Variants in SV2C observed in about 807,000 individuals in gnomAD.
SV2C encodes solute carrier family 22 member B3.
A neutral mutation model predicts 79.7 loss-of-function variants in SV2C; 49 were observed. The ratio of observed to expected loss-of-function variants is 0.61; its 90% CI spans 0.49 to 0.78. The LOEUF (loss-of-function observed/expected upper bound fraction) is 0.78. Among genes scored for constraint, SV2C ranks in the 30% least tolerant of loss-of-function variants. SV2C has a pLI of 0.00. For missense variants in SV2C, 833 were observed against 912.9 expected (o/e 0.91, Z 1.13); for synonymous variants, 334 against 333.2 (o/e 1.00, Z -0.03).
At chr5:76,015,430 C>T in the SV2C span, among the ~76,000 whole-genome samples, 1 of 152,160 alleles carries the variant, frequency 6.6e-6, no homozygotes. Flanking sequence ...TAAGAAGGTG[C>T]TAGTATCCTG....
chr5:76,253,781 TTATTTAATATC>T (rs1746183838), intron 4 of SV2C, among the ~76,000 whole-genome samples: 1 of 152,106 alleles, frequency 6.6e-6, no homozygotes, highest in East Asian at 1.9e-4. Flanking sequence ...TGTTTCTTAG[TTATTTAATATC>T]ACCGAGTCAA....
chr5:76,072,689 T>G, the SV2C span, among the ~76,000 whole-genome samples: 3 of 152,344 alleles, frequency 2.0e-5, no homozygotes, highest in East Asian at 5.8e-4. Context: ...TCCACATTTT[T>G]TCCATAGTGA....
the SV2C span, among the ~76,000 whole-genome samples, chr5:75,969,333 C>A: frequency 6.6e-6 from 1 of 152,064 alleles, no homozygotes; most frequent in Non-Finnish European, 1.5e-5. Flanking sequence ...CAATACTAAC[C>A]TTAAATGTAA....
chr5:75,923,672 G>A, the SV2C span, among the ~76,000 whole-genome samples: 1,193 of 152,024 alleles, frequency 7.8e-3, 6 homozygotes, highest in Middle Eastern at 0.037. Context: ...GCTCAATAAC[G>A]CTAATCATCA....
downstream of SV2C, among the ~76,000 whole-genome samples, chr5:76,337,109 A>G (rs1386867617): frequency 2.6e-5 from 4 of 152,136 alleles, no homozygotes; most frequent in South Asian, 8.3e-4. Flanking sequence ...TGCTGTAACA[A>G]AATACCACAG....
intron 4 of SV2C, among the ~76,000 whole-genome samples, chr5:76,260,164 G>A (rs960001961): frequency 2.0e-5 from 3 of 152,168 alleles, no homozygotes; most frequent in African/African-American, 7.2e-5. Flanking sequence ...ATATCATTGT[G>A]ATTTTGATTT....
At chr5:75,878,758 A>T in the SV2C span, among the ~76,000 whole-genome samples, 1 of 152,200 alleles carries the variant, frequency 6.6e-6, no homozygotes, top group Admixed American at 6.6e-5. Flanking sequence ...GAGCAGTGCC[A>T]GAGTGCTGAG....
intron 4 of SV2C, among the ~76,000 whole-genome samples, chr5:76,215,048 C>G (rs1744875842): frequency 6.6e-6 from 1 of 152,168 alleles, no homozygotes; most frequent in Non-Finnish European, 1.5e-5. Flanking sequence ...ACTTTCAGTA[C>G]TATCCTGAAT....
At chr5:76,138,293 G>A (rs898161134) in intron 2 of SV2C, among the ~76,000 whole-genome samples, 2 of 152,104 alleles carry the variant, frequency 1.3e-5, no homozygotes, top group Non-Finnish European at 2.9e-5. Flanking sequence ...TTCCTTTCCA[G>A]TTCCCTCACG....
the SV2C span, among the ~76,000 whole-genome samples, chr5:75,953,602 C>T: frequency 6.6e-6 from 1 of 151,722 alleles, no homozygotes; most frequent in African/African-American, 2.4e-5. Context: ...ATCCGGAAAC[C>T]CAGAAGGCCT....
At chr5:76,193,558 C>A (rs1266807138) in intron 2 of SV2C, among the ~76,000 whole-genome samples, 2 of 152,196 alleles carry the variant, frequency 1.3e-5, no homozygotes, top group African/African-American at 2.4e-5. Flanking sequence ...TAATTAATAA[C>A]AAGGATAGCC....
the SV2C span, among the ~76,000 whole-genome samples, chr5:75,886,739 C>T: frequency 6.6e-6 from 1 of 152,040 alleles, no homozygotes; most frequent in Non-Finnish European, 1.5e-5. Context: ...AGAGTTATTA[C>T]TTGGTGGTCG....
the SV2C span, among the ~76,000 whole-genome samples, chr5:75,923,617 A>G: frequency 6.6e-6 from 1 of 152,194 alleles, no homozygotes; most frequent in Admixed American, 6.5e-5. Context: ...TAAATAGACA[A>G]TTCTCAAAAG....
the SV2C span, among the ~76,000 whole-genome samples, chr5:75,989,485 A>G: frequency 1.3e-5 from 2 of 152,040 alleles, no homozygotes. Flanking sequence ...GTGGCTGCAT[A>G]GTATTTCATG....
intron 6 of SV2C, 141 bp downstream of exon 6, chr5:76,286,011 G>A: frequency 3.2e-6 from 2 of 621,352 alleles, no homozygotes; most frequent in Non-Finnish European, 2.7e-6. Flanking sequence ...TAGTGCAAAA[G>A]CAGCCATAGG....
chr5:75,874,183 G>A, the SV2C span, among the ~76,000 whole-genome samples: 403 of 152,194 alleles, frequency 2.6e-3, 2 homozygotes, highest in African/African-American at 8.4e-3. Context: ...GAATTCAGCA[G>A]CCCATCAAAA....
chr5:76,168,141 TAG>T (rs534166592), intron 2 of SV2C, among the ~76,000 whole-genome samples: 100 of 151,980 alleles, frequency 6.6e-4, no homozygotes, highest in Non-Finnish European at 1.2e-3. Flanking sequence ...CTCTTCTAGA[TAG>T]AGTCAAGGTC....
intron 8 of SV2C, 84 bp downstream of exon 8, chr5:76,291,940 A>G: frequency 9.9e-7 from 1 of 1,007,756 alleles, no homozygotes. Flanking sequence ...CTTTTCTGAT[A>G]CTGCTTGATG....
chr5:75,900,410 G>T, the SV2C span, among the ~76,000 whole-genome samples: 2 of 152,198 alleles, frequency 1.3e-5, no homozygotes, highest in African/African-American at 4.8e-5. Flanking sequence ...CTTCTGGCTT[G>T]TAGAGTTTCT....
Sources: allele counts gnomAD v4.1 joint callset (sites outside exome capture counted in the v4.1 genomes callset), GRCh38; gene constraint gnomAD v4.1.1; transcripts MANE v1.5; gene names NCBI Gene and HGNC (gene_info 2026-07-23, HGNC 2026-07-21).